Variants in MROH1 observed in about 807,000 individuals in gnomAD.
The protein encoded by MROH1 is maestro heat like repeat family member 1.
A neutral mutation model predicts 116.5 loss-of-function variants in MROH1; 117 were observed. That is an observed-to-expected ratio of 1.00 (90% confidence interval 0.86 to 1.17). The LOEUF (loss-of-function observed/expected upper bound fraction) is 1.17, where lower values mean the gene tolerates loss of function less well. MROH1 is among the 50% of genes most tolerant of loss of function. The pLI, the probability that MROH1 is intolerant of heterozygous loss-of-function variation, is 0.00. For synonymous variants in MROH1, 921 were observed against 583.9 expected (o/e 1.58, Z -8.32); for missense variants, 1,873 against 1,338.5 (o/e 1.40, Z -6.23).
rs142376589 is a variant in MROH1, at chr8:144,179,612, C to T, written c.300+26C>T. On this transcript the variant is annotated intron_variant, in intron 5 of 43. Transcript: ENST00000326134. ...GTATTCAGCAGGCCCTCTGGCCTCG[C>T]AGACTCAGGCCTAGCTTGGGAAGGG... is the stretch of plus-strand genomic sequence containing the variant. 6.6e-5 allele frequency: 105 copies of T among 1,581,310 alleles called. No homozygotes were observed. In the African/African-American group the frequency reaches 1.2e-3, roughly 18 times the overall value.
chr8:144,210,700 C>A (rs1248338411), intron 12 of MROH1, among the ~76,000 whole-genome samples: 1 of 147,738 alleles, frequency 6.8e-6, no homozygotes, highest in Non-Finnish European at 1.5e-5. Flanking sequence ...CTCTCTCTCT[C>A]TATCTCTCTA....
intron 4 of MROH1, among the ~76,000 whole-genome samples, chr8:144,176,306 G>C (rs2131224311): frequency 6.6e-6 from 1 of 151,158 alleles, no homozygotes; most frequent in Middle Eastern, 3.4e-3. Context: ...CTGGGATGCA[G>C]AGGTTGCAGT....
At chr8:144,216,502 C>A (rs192221868) in intron 12 of MROH1, among the ~76,000 whole-genome samples, 2 of 152,060 alleles carry the variant, frequency 1.3e-5, no homozygotes, top group East Asian at 3.9e-4. Flanking sequence ...AACACAGTGT[C>A]CAGTGTCTTT....
chr8:144,205,259 A>G (rs1832573374), intron 12 of MROH1, among the ~76,000 whole-genome samples: 1 of 152,166 alleles, frequency 6.6e-6, no homozygotes, highest in African/African-American at 2.4e-5. Context: ...TGGTCCCTGC[A>G]TGTCATTCTT....
chr8:144,182,244 T>C lies in MROH1; in HGVS notation c.562+1721T>C, dbSNP rs976018430. Among the ~76,000 whole-genome samples, 3 of 151,878 alleles carry C rather than the reference T, an allele frequency of 2.0e-5. No homozygotes were observed. Among genetic ancestry groups the C allele is most frequent in the Non-Finnish European group, 4.4e-5 (3 of 67,950 alleles). On this transcript the variant is annotated intron_variant, in intron 7 of 43. Transcript: ENST00000326134. The surrounding 1 kb of genome is among the most constrained non-coding windows in gnomAD (Gnocchi z 4.1). Reference sequence around the variant, plus strand: ...ACAGGCAGTGTGCCAAGGACAGGAGTGCCCTCAGGGCACTGCAGCCAGGAG... The same window carrying C: ...ACAGGCAGTGTGCCAAGGACAGGAGCGCCCTCAGGGCACTGCAGCCAGGAG...
In MROH1 at chr8:144,254,842, C is replaced by T. The variant is rs1056494702; in HGVS notation, c.3458C>T (p.Ala1153Val). 108 of 777,096 alleles carry T rather than the reference C, an allele frequency of 1.4e-4. No homozygotes were observed. Among genetic ancestry groups the T allele is most frequent in the Middle Eastern group, 6.1e-4 (2 of 3,276 alleles). 48.1% of individuals were successfully genotyped at this position (777,096 alleles called of 1,614,324 possible). The change falls in exon 34 of 44, where the codon GCG becomes GTG. Residue 1153 changes from alanine (A) to valine (V), a missense_variant. Physicochemically the swap from Ala to Val is moderately conservative, Grantham distance 64. Coordinates refer to ENST00000326134, the MANE Select transcript of MROH1 (RefSeq NM_032450.3). ...ACCTGCATGCTGTGGCGGGCGCTGG[C>T]GGTGGAGCCTCGCCTAGCTGCCCAG... ...SHTCMLWRAL[A>V]VEPRLAAQVL...
chr8:144,208,030 C>T (rs1415117363), intron 12 of MROH1, among the ~76,000 whole-genome samples: 1 of 151,614 alleles, frequency 6.6e-6, no homozygotes, highest in African/African-American at 2.4e-5. Context: ...GCTGAAGCCT[C>T]CACCTCCCAG....
At chr8:144,150,689 A>G (rs1587677435) in intron 1 of MROH1, among the ~76,000 whole-genome samples, 1 of 152,206 alleles carries the variant, frequency 6.6e-6, no homozygotes, top group East Asian at 1.9e-4. Context: ...GACAGGGCAC[A>G]GGGATTTTCC....
intron 32 of MROH1, among the ~76,000 whole-genome samples, chr8:144,249,447 T>C (rs999225172): frequency 2.4e-4 from 36 of 152,262 alleles, no homozygotes; most frequent in Admixed American, 1.3e-3. Flanking sequence ...ATGGTGGTAT[T>C]TTCCAGCTGT....
Position 144,244,246 on chromosome 8 carries a change from G to T in MROH1, c.2580G>T (p.Glu860Asp). The change falls in exon 27 of 44, where the codon GAG becomes GAT. Residue 860 changes from glutamate (E) to aspartate (D), a missense_variant. Glu to Asp is a conservative substitution (Grantham distance 45, BLOSUM62 2). Coordinates refer to ENST00000326134, the MANE Select transcript of MROH1 (RefSeq NM_032450.3). ...YLVSVEPALD[E>D]QARADVIHGC... ...GCTCCGTGGAGCCAGCGCTGGACGAGCAGGCCCGGGCGGATGTGATCCATG... is the reference window on the plus strand; with the variant it reads ...GCTCCGTGGAGCCAGCGCTGGACGATCAGGCCCGGGCGGATGTGATCCATG... 1 of 718,192 alleles carries T rather than the reference G, an allele frequency of 1.4e-6. No individual in the cohort carries two copies. The allele number at this position is 718,192 out of a possible 1,614,324, so 44.5% of individuals were successfully genotyped here.
chr8:144,197,742 G>A (rs1435819619), intron 10 of MROH1, among the ~76,000 whole-genome samples: 1 of 147,080 alleles, frequency 6.8e-6, no homozygotes, highest in Non-Finnish European at 1.5e-5. Context: ...GCCAACTGCA[G>A]CATCTTTTAT....
chr8:144,215,356 G>A (rs1398097174), intron 12 of MROH1, among the ~76,000 whole-genome samples: 1 of 152,212 alleles, frequency 6.6e-6, no homozygotes, highest in Non-Finnish European at 1.5e-5. Flanking sequence ...CGTGGTGAGT[G>A]TGCGATGGGC....
intron 4 of MROH1, chr8:144,175,195 A>G (rs1411890498): frequency 1.6e-5 from 16 of 971,166 alleles, no homozygotes; most frequent in African/African-American, 1.9e-5. Context: ...GATCTGGTCG[A>G]GTGGGTATAA....
At chr8:144,205,898 A>G (rs1358504832) in intron 12 of MROH1, among the ~76,000 whole-genome samples, 1 of 152,238 alleles carries the variant, frequency 6.6e-6, no homozygotes, top group Non-Finnish European at 1.5e-5. Flanking sequence ...AGTAAAATGC[A>G]TAAATCTTAA....
chr8:144,161,545 G>A (rs1344925631), intron 2 of MROH1, among the ~76,000 whole-genome samples: 2 of 152,178 alleles, frequency 1.3e-5, no homozygotes, highest in Admixed American at 6.5e-5. Flanking sequence ...TGGGCTCTTA[G>A]GGCTCCGCCT....
rs1335014188 is a variant in MROH1 at position 144,249,107 on chromosome 8, G to A, written c.3273+78G>A. 8.5e-6 allele frequency: 6 copies of A among 702,590 alleles called. No individual in the cohort carries two copies. In the Admixed American group the frequency reaches 1.2e-4, roughly 14 times the overall value. The allele number at this position is 702,590 out of a possible 1,614,324, so 43.5% of individuals were successfully genotyped here. On this transcript the variant is annotated intron_variant, in intron 32 of 43. Coordinates refer to ENST00000326134, the MANE Select transcript of MROH1 (RefSeq NM_032450.3). ...CGGTGGGACGGGCAGGGCAGGAGTGGGGTAGTGGCTCTTGGAGAGGTGGCA... is the reference window on the plus strand; with the variant it reads ...CGGTGGGACGGGCAGGGCAGGAGTGAGGTAGTGGCTCTTGGAGAGGTGGCA...
intron 19 of MROH1, 105 bp from the exon 20 acceptor site, chr8:144,240,465 C>T (rs1233426388): frequency 2.1e-5 from 15 of 701,758 alleles, no homozygotes; most frequent in African/African-American, 3.5e-5. Flanking sequence ...CGCTGGAAGG[C>T]GGTCTGCAGC....
At chr8:144,259,855 T>TTCCC in intron 37 of MROH1, 56 bp from the exon 38 acceptor site, 1 of 715,782 alleles carries the variant, frequency 1.4e-6, no homozygotes, top group Non-Finnish European at 2.6e-6. Context: ...CCTGGGCTGG[T>TTCCC]GGGTTGAGCC....
chr8:144,199,667 G>A (rs1033309824), intron 11 of MROH1, among the ~76,000 whole-genome samples: 2 of 152,216 alleles, frequency 1.3e-5, no homozygotes, highest in African/African-American at 4.8e-5. Flanking sequence ...GGCCCTCATA[G>A]CCATCCTGGA....
Sources: gnomAD v4.1 joint callset for allele counts (sites outside exome capture counted in the v4.1 genomes callset) on GRCh38, gnomAD v4.1.1 for gene constraint, Gnocchi (gnomAD v3.1) non-coding constraint, MANE v1.5 for transcripts, NCBI Gene and HGNC (gene_info 2026-07-23, HGNC 2026-07-21) for gene names.